TRIM51G: variants seen among roughly 807,000 people sequenced by gnomAD.
TRIM51G encodes the protein tripartite motif-containing protein 51G.
chr11:48,976,259 A>C, the TRIM51G span, among the ~76,000 whole-genome samples: 1 of 152,182 alleles, frequency 6.6e-6, no homozygotes, highest in Non-Finnish European at 1.5e-5. Context: ...GCCTGTTTTA[A>C]TCCCATCTCC....
the TRIM51G span, among the ~76,000 whole-genome samples, chr11:48,976,774 C>T: frequency 6.6e-6 from 1 of 151,904 alleles, no homozygotes; most frequent in Non-Finnish European, 1.5e-5. Flanking sequence ...TTTTATGTAA[C>T]CTTGGATTAT....
chr11:48,976,529 A>T, the TRIM51G span, among the ~76,000 whole-genome samples: 1 of 152,118 alleles, frequency 6.6e-6, no homozygotes, highest in Non-Finnish European at 1.5e-5. Context: ...CTGAAACTGA[A>T]CTTTAAATTT....
At chr11:48,978,978 T>G in the TRIM51G span, 14 of 1,524,802 alleles carry the variant, frequency 9.2e-6, no homozygotes, top group East Asian at 2.9e-4. Context: ...TTCATTGAGT[T>G]GCTGAAAAAT....
the TRIM51G span, chr11:48,981,475 G>A: frequency 6.2e-7 from 1 of 1,607,240 alleles, no homozygotes; most frequent in African/African-American, 1.3e-5. Context: ...GGCAATGGAA[G>A]CCATGTTCTT....
At chr11:48,980,977 A>T in the TRIM51G span, 1 of 536,520 alleles carries the variant, frequency 1.9e-6, no homozygotes, top group South Asian at 1.5e-5. Flanking sequence ...CTCCATAAAG[A>T]CTGCATTTTT....
the TRIM51G span, among the ~76,000 whole-genome samples, chr11:48,976,679 A>G: frequency 6.6e-6 from 1 of 152,140 alleles, no homozygotes; most frequent in African/African-American, 2.4e-5. Context: ...GAAAATACTA[A>G]TACTCCAACA....
the TRIM51G span, among the ~76,000 whole-genome samples, chr11:48,980,377 A>G: frequency 6.6e-6 from 1 of 152,106 alleles, no homozygotes; most frequent in African/African-American, 2.4e-5. Flanking sequence ...ACAAGTCTAC[A>G]TTTCTCACCA....
the TRIM51G span, among the ~76,000 whole-genome samples, chr11:48,983,597 C>T: frequency 7.3e-5 from 11 of 150,848 alleles, no homozygotes; most frequent in South Asian, 2.3e-3. Flanking sequence ...AATTAATAAC[C>T]TCATGTCATA....
chr11:48,977,634 G>A, the TRIM51G span, among the ~76,000 whole-genome samples: 3 of 152,096 alleles, frequency 2.0e-5, no homozygotes, highest in Non-Finnish European at 2.9e-5. Flanking sequence ...AGGCCTACAC[G>A]GTTCAAACAT....
At chr11:48,977,869 T>C in the TRIM51G span, among the ~76,000 whole-genome samples, 1 of 149,572 alleles carries the variant, frequency 6.7e-6, no homozygotes, top group Non-Finnish European at 1.5e-5. Flanking sequence ...TTTATTTCTT[T>C]CATTTATTTA....
the TRIM51G span, among the ~76,000 whole-genome samples, chr11:48,982,950 T>TG: frequency 1.3e-3 from 10 of 7,812 alleles, no homozygotes; most frequent in African/African-American, 1.8e-3. Flanking sequence ...ATTTTTGGTA[T>TG]ATATACATAT....
At chr11:48,982,489 G>A in the TRIM51G span, among the ~76,000 whole-genome samples, 5 of 152,052 alleles carry the variant, frequency 3.3e-5, no homozygotes, top group Non-Finnish European at 7.4e-5. Context: ...AGAGAGACAT[G>A]TAAGTTGGTG....
the TRIM51G span, among the ~76,000 whole-genome samples, chr11:48,982,962 T>TATATATAC: frequency 1.3e-4 from 3 of 23,684 alleles, no homozygotes; most frequent in African/African-American, 2.0e-4. Context: ...TATACATATA[T>TATATATAC]ATATATATAT....
the TRIM51G span, among the ~76,000 whole-genome samples, chr11:48,982,956 CATATATATATATATAT>C: frequency 3.0e-5 from 1 of 33,050 alleles, no homozygotes; most frequent in African/African-American, 1.0e-4. Context: ...GGTATATATA[CATATATATATATATAT>C]ATATATATAT....
chr11:48,980,964 T>A, the TRIM51G span: 2 of 519,692 alleles, frequency 3.8e-6, no homozygotes, highest in Non-Finnish European at 3.9e-6. Flanking sequence ...TTCACACATT[T>A]TTCTCCATAA....
the TRIM51G span, chr11:48,981,131 T>C: frequency 4.4e-5 from 57 of 1,287,970 alleles, no homozygotes; most frequent in African/African-American, 4.9e-4. Flanking sequence ...TTTCTCCTCA[T>C]GTCTGTCAAA....
chr11:48,981,109 G>C, the TRIM51G span: 1 of 1,106,202 alleles, frequency 9.0e-7, no homozygotes, highest in Non-Finnish European at 1.3e-6. Context: ...ACAGAAAATA[G>C]AGTTTGCTTT....
At chr11:48,977,672 CAGA>C in the TRIM51G span, among the ~76,000 whole-genome samples, 1 of 152,086 alleles carries the variant, frequency 6.6e-6, no homozygotes, top group Admixed American at 6.6e-5. Context: ...ATCTATTTTT[CAGA>C]ATTATATATT....
At chr11:48,978,846 CATG>C in the TRIM51G span, 10 of 1,024,786 alleles carry the variant, frequency 9.8e-6, no homozygotes, top group Non-Finnish European at 1.6e-5. Context: ...TCTTCAACAT[CATG>C]ATAACCCATG....
Sources: gnomAD v4.1 joint callset for allele counts (sites outside exome capture counted in the v4.1 genomes callset) on GRCh38, gnomAD v4.1.1 for gene constraint, MANE v1.5 for transcripts, NCBI Gene and HGNC (gene_info 2026-07-23, HGNC 2026-07-21) for gene names.